Variants in RABGAP1L observed in about 807,000 individuals in gnomAD.
RABGAP1L encodes rab GTPase-activating protein 1-like.
Under a neutral mutation model 137.7 loss-of-function variants are expected in RABGAP1L, and 63 were observed. The observed-to-expected ratio is 0.46, with a 90% confidence interval of 0.37 to 0.56. RABGAP1L has a LOEUF of 0.56. RABGAP1L is among the 20% of genes least tolerant of loss of function. The pLI, the probability that RABGAP1L is intolerant of heterozygous loss-of-function variation, is 0.00. For missense variants in RABGAP1L, 1,095 were observed against 1,244.0 expected, an observed-to-expected ratio of 0.88 and a Z score of 1.80; for synonymous variants, 431 against 433.7, an observed-to-expected ratio of 0.99 and a Z score of 0.08.
Position 174,275,731 on chromosome 1 carries a change from A to C in RABGAP1L, c.1054-102A>C, listed in dbSNP as rs1674943949. The C allele has an allele frequency of 5.2e-6, 4 of 770,616 alleles. No individual in the cohort carries two copies. The South Asian group carries it at 8.9e-5, about 17-fold the overall frequency. 47.7% of individuals were successfully genotyped at this position (770,616 alleles called of 1,614,324 possible). ...AATATAAAGCTCCTGCTTGACTGTT[A>C]ATCTAAATTTTAATAATTTGTATTG... On this transcript the variant is annotated intron_variant, in intron 8 of 25. Transcript: ENST00000681986.
chr1:174,316,424 C>T (rs1679379931), intron 11 of RABGAP1L, among the ~76,000 whole-genome samples: 1 of 152,140 alleles, frequency 6.6e-6, no homozygotes, highest in Non-Finnish European at 1.5e-5. Flanking sequence ...GGGTGTTAAT[C>T]TAAGCTGTAT....
intron 4 of RABGAP1L, among the ~76,000 whole-genome samples, chr1:174,234,423 C>A (rs1265768008): frequency 4.3e-5 from 6 of 140,104 alleles, no homozygotes; most frequent in Admixed American, 4.1e-4. Flanking sequence ...ATCTTTAATC[C>A]ATCTTGAATT....
At chr1:174,824,706 T>C (rs979794386) in intron 19 of RABGAP1L, among the ~76,000 whole-genome samples, 2 of 152,126 alleles carry the variant, frequency 1.3e-5, no homozygotes, top group Non-Finnish European at 2.9e-5. Flanking sequence ...CCAACTCAGA[T>C]CCATTTACCT....
rs573062544 is a variant in RABGAP1L, at chr1:174,865,510, T to C, written c.2340+53550T>C. Among the ~76,000 whole-genome samples the C allele has an allele frequency of 1.3e-3, 204 of 152,364 alleles. 1 individual carries two copies. The highest frequency in any genetic ancestry group is 2.1e-3 in the Non-Finnish European group (141 of 68,036). On this transcript the variant is annotated intron_variant, in intron 19 of 25. Transcript: ENST00000681986. ...TTGGGCAAATTTATAGCATATTTTC[T>C]TTCACAGGCAAGAACTCCTAAGATA... is the stretch of plus-strand genomic sequence containing the variant.
At chr1:174,195,348 G>A (rs899756579) in intron 1 of RABGAP1L, among the ~76,000 whole-genome samples, 2 of 152,014 alleles carry the variant, frequency 1.3e-5, no homozygotes, top group Non-Finnish European at 2.9e-5. Flanking sequence ...ATTGAAAAAT[G>A]TTTTTATTAG....
At chr1:174,869,438 C>T (rs752014366) in intron 19 of RABGAP1L, among the ~76,000 whole-genome samples, 7 of 152,120 alleles carry the variant, frequency 4.6e-5, no homozygotes, top group East Asian at 1.9e-4. Context: ...TCTCTCCTGC[C>T]GCCATGTGAA....
At chr1:174,497,353 G>A (rs149223352) in intron 13 of RABGAP1L, among the ~76,000 whole-genome samples, 1 of 152,252 alleles carries the variant, frequency 6.6e-6, no homozygotes, top group African/African-American at 2.4e-5. Flanking sequence ...AAGGATCAAT[G>A]TGCTGTATAT....
chr1:174,620,027 C>G (rs1672292921), intron 13 of RABGAP1L, among the ~76,000 whole-genome samples: 1 of 152,050 alleles, frequency 6.6e-6, no homozygotes, highest in Admixed American at 6.6e-5. Context: ...CAACAAAGAT[C>G]AAAAGAGACA....
chr1:174,812,635 G>C (rs897643800), intron 19 of RABGAP1L, among the ~76,000 whole-genome samples: 9 of 152,134 alleles, frequency 5.9e-5, no homozygotes, highest in Non-Finnish European at 1.3e-4. Context: ...AGAGATCCTG[G>C]TCTTAGGGAC....
At chr1:174,462,186 A>G (rs1458970302) in intron 13 of RABGAP1L, among the ~76,000 whole-genome samples, 2 of 152,176 alleles carry the variant, frequency 1.3e-5, no homozygotes, top group Admixed American at 6.6e-5. Flanking sequence ...TACGTGTGTG[A>G]TATGACTAGT....
At chr1:174,693,183 G>A (rs761529324) in intron 15 of RABGAP1L, among the ~76,000 whole-genome samples, 2 of 152,134 alleles carry the variant, frequency 1.3e-5, no homozygotes, top group Non-Finnish European at 2.9e-5. Flanking sequence ...TAGCAGCTGC[G>A]TGACCTTACT....
chr1:174,930,683 G>A (rs920347894), intron 19 of RABGAP1L, among the ~76,000 whole-genome samples: 1 of 152,122 alleles, frequency 6.6e-6, no homozygotes, highest in East Asian at 1.9e-4. Flanking sequence ...GAACATCCAC[G>A]TAGTCATCAC....
At chr1:174,918,917 T>C (rs1661338735) in intron 19 of RABGAP1L, among the ~76,000 whole-genome samples, 1 of 152,086 alleles carries the variant, frequency 6.6e-6, no homozygotes, top group South Asian at 2.1e-4. Context: ...TCAGGAGGCT[T>C]GAGGTGGGAG....
At chr1:174,622,128 G>T (rs1238679268) in intron 13 of RABGAP1L, among the ~76,000 whole-genome samples, 1 of 152,202 alleles carries the variant, frequency 6.6e-6, no homozygotes, top group Non-Finnish European at 1.5e-5. Context: ...GGCCATCAGA[G>T]AAATGCAAAT....
chr1:174,253,094 T>C (rs1024421666), intron 7 of RABGAP1L, among the ~76,000 whole-genome samples: 1 of 152,174 alleles, frequency 6.6e-6, no homozygotes, highest in African/African-American at 2.4e-5. Flanking sequence ...ATATTCGTAA[T>C]GTAGATGACA....
chr1:174,325,847 G>A lies in RABGAP1L; in HGVS notation c.1465+20720G>A, dbSNP rs57951409. ...CCATAGGAGCTGCACTAAAGGGGCC[G>A]TTTATGGGCATCATGCTGCAAGAAG... On this transcript the variant is annotated intron_variant, in intron 11 of 25. Coordinates refer to ENST00000681986, the MANE Select transcript of RABGAP1L (RefSeq NM_001366446.1). 1.6e-4 allele frequency among the ~76,000 whole-genome samples: 25 copies of A among 152,340 alleles called. No homozygotes were observed. The East Asian group carries it at 2.1e-3, about 13-fold the overall frequency.
chr1:174,891,444 G>A (rs568138831), intron 19 of RABGAP1L, among the ~76,000 whole-genome samples: 19 of 152,258 alleles, frequency 1.2e-4, no homozygotes, highest in Non-Finnish European at 2.2e-4. Context: ...CTATTTGTGT[G>A]TATTTATTTA....
intron 13 of RABGAP1L, among the ~76,000 whole-genome samples, chr1:174,629,876 C>T (rs1350277390): frequency 6.6e-6 from 1 of 152,000 alleles, no homozygotes; most frequent in Admixed American, 6.6e-5. Flanking sequence ...TTGATTTTGT[C>T]CTTTATTTCT....
At chr1:174,205,695 A>G (rs1459571098) in intron 1 of RABGAP1L, among the ~76,000 whole-genome samples, 1 of 151,928 alleles carries the variant, frequency 6.6e-6, no homozygotes, top group African/African-American at 2.4e-5. Flanking sequence ...TGGCCTATGT[A>G]TCTTACTAAG....
Sources: allele counts gnomAD v4.1 joint callset (sites outside exome capture counted in the v4.1 genomes callset), GRCh38; gene constraint gnomAD v4.1.1; transcripts MANE v1.5; gene names NCBI Gene and HGNC (gene_info 2026-07-23, HGNC 2026-07-21).